The following ZFHX3 variants were observed in gnomAD, a reference collection of about 807,000 sequenced individuals.
ZFHX3 encodes zinc finger homeobox protein 3.
Under a neutral mutation model 279.1 loss-of-function variants are expected in ZFHX3, and 42 were observed. The ratio of observed to expected loss-of-function variants is 0.15; its 90% CI spans 0.12 to 0.19. The LOEUF is 0.19. Among genes scored for constraint, ZFHX3 ranks in the 10% least tolerant of loss-of-function variants. The pLI is 1.00. For missense variants in ZFHX3, 4,981 were observed against 4,754.0 expected (o/e 1.05, Z -1.40); for synonymous variants, 2,293 against 1,957.8 (o/e 1.17, Z -4.52).
intron 2 of ZFHX3, among the ~76,000 whole-genome samples, chr16:73,628,452 C>G (rs1397647391): frequency 2.6e-5 from 4 of 152,186 alleles, no homozygotes; most frequent in Non-Finnish European, 5.9e-5. Context: ...AATAAGATTT[C>G]TTCACCAGAA....
At chr16:73,484,573 GC>G (rs1468177582) in intron 2 of ZFHX3, among the ~76,000 whole-genome samples, 1 of 152,166 alleles carries the variant, frequency 6.6e-6, no homozygotes, top group Non-Finnish European at 1.5e-5. Context: ...TCCGTTCGGG[GC>G]CAAGTTTGCC....
chr16:72,816,504 G>T (rs1212976023), intron 5 of ZFHX3, among the ~76,000 whole-genome samples: 1 of 152,212 alleles, frequency 6.6e-6, no homozygotes, highest in Non-Finnish European at 1.5e-5. Flanking sequence ...CAGGACGTGA[G>T]CTATGGATTC....
intron 3 of ZFHX3, among the ~76,000 whole-genome samples, chr16:73,339,636 G>A (rs1241349843): frequency 6.6e-6 from 1 of 152,064 alleles, no homozygotes; most frequent in Non-Finnish European, 1.5e-5. Context: ...GCTGGGAGCG[G>A]GTTGCTTATT....
At chr16:73,303,145 C>A (rs1220163075) in intron 4 of ZFHX3, among the ~76,000 whole-genome samples, 1 of 152,030 alleles carries the variant, frequency 6.6e-6, no homozygotes, top group African/African-American at 2.4e-5. Flanking sequence ...CCTCCCACCT[C>A]GGCCTCCCTA....
chr16:73,738,869 G>C (rs909893912), intron 1 of ZFHX3, among the ~76,000 whole-genome samples: 2 of 152,144 alleles, frequency 1.3e-5, no homozygotes, highest in South Asian at 4.1e-4. Context: ...AAGATTACAA[G>C]ATGGAAGAAA....
chr16:72,891,507 G>C (rs1009595058), intron 3 of ZFHX3, among the ~76,000 whole-genome samples: 1 of 152,190 alleles, frequency 6.6e-6, no homozygotes, highest in Non-Finnish European at 1.5e-5. Context: ...TGTGCACCTG[G>C]TGTAGAAAGG....
At chr16:73,851,833 C>T (rs1961601031) in intron 1 of ZFHX3, among the ~76,000 whole-genome samples, 1 of 152,108 alleles carries the variant, frequency 6.6e-6, no homozygotes. Flanking sequence ...TTGGGTCCCT[C>T]CTCACACCAC....
At chr16:73,413,206 A>T (rs1351479801) in intron 3 of ZFHX3, among the ~76,000 whole-genome samples, 3 of 152,254 alleles carry the variant, frequency 2.0e-5, no homozygotes, top group Admixed American at 2.0e-4. Flanking sequence ...AATAGGTAAT[A>T]GTTCAAGAGG....
intron 1 of ZFHX3, among the ~76,000 whole-genome samples, chr16:73,720,761 A>C (rs1257320139): frequency 2.6e-5 from 4 of 152,174 alleles, no homozygotes. Flanking sequence ...ACAGTGAGCC[A>C]TTTCTTTCAA....
intron 1 of ZFHX3, among the ~76,000 whole-genome samples, chr16:73,758,814 C>G (rs1245231969): frequency 6.6e-6 from 1 of 152,232 alleles, no homozygotes; most frequent in East Asian, 1.9e-4. Context: ...ATCTCCCCCT[C>G]GCACTTTGAG....
At chr16:73,012,813 C>T (rs1963961850) in intron 1 of ZFHX3, among the ~76,000 whole-genome samples, 1 of 152,174 alleles carries the variant, frequency 6.6e-6, no homozygotes, top group Non-Finnish European at 1.5e-5. Context: ...CTAACACGTT[C>T]TTCCATGATG....
intron 1 of ZFHX3, among the ~76,000 whole-genome samples, chr16:73,038,787 CTAT>C (rs10539654): frequency 0.41 from 60,623 of 146,762 alleles, 12,787 homozygotes; most frequent in African/African-American, 0.5. Flanking sequence ...CTTTTTATTA[CTAT>C]TATTATTATT....
intron 3 of ZFHX3, among the ~76,000 whole-genome samples, chr16:73,338,426 T>A (rs2015958740): frequency 6.6e-6 from 1 of 152,156 alleles, no homozygotes; most frequent in Non-Finnish European, 1.5e-5. Context: ...TCACACTAAA[T>A]AAAGGTCAAC....
chr16:72,870,843 T>C (rs942200282), intron 4 of ZFHX3, among the ~76,000 whole-genome samples: 3 of 152,040 alleles, frequency 2.0e-5, no homozygotes, highest in Admixed American at 6.6e-5. Context: ...AATAACCTAA[T>C]AGTTTTATAG....
In ZFHX3 at chr16:73,349,628, C is replaced by CCCTT. The variant is rs1333345305; in HGVS notation, c.-1290-31293_-1290-31292insAAGG. Among the ~76,000 whole-genome samples, 9 of 46,356 alleles carry CCCTT rather than the reference C, an allele frequency of 1.9e-4. 2 individuals are homozygous for CCCTT. Among genetic ancestry groups the CCCTT allele is most frequent in the African/African-American group, 4.1e-4 (6 of 14,670 alleles). The allele number at this position is 46,356 out of a possible 152,430, so 30.4% of individuals were successfully genotyped here. On this transcript the variant is annotated intron_variant, in intron 3 of 17. Transcript: ENST00000641206. ...TCCCTTACTTCCTCCCTCCCTTCCT[C>CCCTT]CCTCCCTCCCTCCCTCCCTCTCTCC...
At chr16:73,325,928 A>AAAAACACACACACACAC (rs368062772) in intron 3 of ZFHX3, among the ~76,000 whole-genome samples, 2 of 145,492 alleles carry the variant, frequency 1.4e-5, no homozygotes, top group African/African-American at 2.5e-5. Context: ...CACACACACA[A>AAAAACACACACACACAC]ACACACACAC....
At chr16:72,913,452 G>C (rs937582030) in intron 3 of ZFHX3, among the ~76,000 whole-genome samples, 9 of 152,166 alleles carry the variant, frequency 5.9e-5, no homozygotes, top group Non-Finnish European at 8.8e-5. Flanking sequence ...CTCACAATTA[G>C]ATTGAGATTA....
intron 2 of ZFHX3, among the ~76,000 whole-genome samples, chr16:73,596,575 G>A (rs1214211488): frequency 4.6e-5 from 7 of 152,020 alleles, no homozygotes; most frequent in African/African-American, 9.7e-5. Flanking sequence ...ATGTTGCCCA[G>A]GGCAACATTA....
chr16:73,381,198 T>C (rs1315471871), intron 3 of ZFHX3, among the ~76,000 whole-genome samples: 1 of 152,178 alleles, frequency 6.6e-6, no homozygotes, highest in Non-Finnish European at 1.5e-5. Flanking sequence ...TCTTCTCAGA[T>C]AGAAAGACTT....
Sources: allele counts gnomAD v4.1 joint callset (sites outside exome capture counted in the v4.1 genomes callset), GRCh38; gene constraint gnomAD v4.1.1; transcripts MANE v1.5; gene names NCBI Gene and HGNC (gene_info 2026-07-23, HGNC 2026-07-21).